The following TMEM144 variants were observed in gnomAD, a reference collection of about 807,000 sequenced individuals.
The protein encoded by TMEM144 is transmembrane protein 144.
Under a neutral mutation model 43.6 loss-of-function variants are expected in TMEM144, and 39 were observed. That is an observed-to-expected ratio of 0.90 (90% CI 0.69 to 1.17). The LOEUF (loss-of-function observed/expected upper bound fraction) is 1.17. Among genes scored for constraint, TMEM144 ranks in the 50% most tolerant of loss-of-function variants. The pLI, the probability that TMEM144 is intolerant of heterozygous loss-of-function variation, is 0.00. For synonymous variants in TMEM144, 154 were observed against 133.6 expected (o/e 1.15, Z -1.06); for missense variants, 417 against 411.9 (o/e 1.01, Z -0.11).
intron 12 of TMEM144, among the ~76,000 whole-genome samples, chr4:158,244,836 A>T (rs563054696): frequency 1.3e-5 from 2 of 152,298 alleles, no homozygotes; most frequent in Admixed American, 6.5e-5. Flanking sequence ...AGGAAAGAAA[A>T]TACTAGAGCT....
At chr4:158,227,528 T>TTA (rs759725286) in intron 6 of TMEM144, among the ~76,000 whole-genome samples, 14 of 152,106 alleles carry the variant, frequency 9.2e-5, no homozygotes, top group African/African-American at 1.4e-4. Context: ...TCTTAACTAC[T>TTA]TATATATATA....
chr4:158,244,818 A>G (rs1226562103), intron 12 of TMEM144, among the ~76,000 whole-genome samples: 1 of 152,158 alleles, frequency 6.6e-6, no homozygotes, highest in Non-Finnish European at 1.5e-5. Context: ...ATGTGATAAT[A>G]CCTAATTAGG....
intron 11 of TMEM144, among the ~76,000 whole-genome samples, chr4:158,242,477 C>T (rs1161536325): frequency 1.3e-5 from 2 of 152,112 alleles, no homozygotes; most frequent in African/African-American, 4.8e-5. Flanking sequence ...TCAAACGAAC[C>T]TATCACCTAG....
chr4:158,227,695 C>T (rs2111120566), intron 6 of TMEM144, among the ~76,000 whole-genome samples: 1 of 152,236 alleles, frequency 6.6e-6, no homozygotes, highest in African/African-American at 2.4e-5. Flanking sequence ...ATGTATAGAA[C>T]CAGTAACCAA....
intron 6 of TMEM144, among the ~76,000 whole-genome samples, chr4:158,228,705 T>A (rs1271825685): frequency 6.6e-6 from 1 of 152,106 alleles, no homozygotes; most frequent in Non-Finnish European, 1.5e-5. Flanking sequence ...AGGAGCTGCA[T>A]CGACCATCTG....
At chr4:158,221,822 G>T (rs1734523197) in intron 6 of TMEM144, among the ~76,000 whole-genome samples, 1 of 152,064 alleles carries the variant, frequency 6.6e-6, no homozygotes, top group African/African-American at 2.4e-5. Flanking sequence ...TACTCCACAG[G>T]TACCTCCTTT....
intron 4 of TMEM144, among the ~76,000 whole-genome samples, chr4:158,216,801 T>C (rs943603227): frequency 6.6e-6 from 1 of 152,098 alleles, no homozygotes; most frequent in Admixed American, 6.6e-5. Flanking sequence ...AGAGGTAACC[T>C]TTTAAGAAGA....
intron 12 of TMEM144, among the ~76,000 whole-genome samples, chr4:158,249,885 C>T (rs950047005): frequency 5.3e-5 from 5 of 95,184 alleles, no homozygotes; most frequent in African/African-American, 1.8e-4. Flanking sequence ...AGCCTACTGC[C>T]AGGTGTGTGT....
chr4:158,221,471 G>T (rs1734507060), intron 6 of TMEM144, among the ~76,000 whole-genome samples: 1 of 152,222 alleles, frequency 6.6e-6, no homozygotes, highest in Non-Finnish European at 1.5e-5. Context: ...GTTCAGGAGA[G>T]AGTATGTAAG....
intron 6 of TMEM144, among the ~76,000 whole-genome samples, chr4:158,221,512 T>C (rs1037056065): frequency 6.6e-6 from 1 of 152,174 alleles, no homozygotes; most frequent in Non-Finnish European, 1.5e-5. Context: ...CAAGAAACAA[T>C]ATTCAGAACA....
rs561351228 is a variant in TMEM144, at chr4:158,226,464, A to G, written c.414-6437A>G. On this transcript the variant is annotated intron_variant, in intron 6 of 12. Coordinates refer to ENST00000296529, the MANE Select transcript of TMEM144 (RefSeq NM_018342.5). ...ACTTTAGCCAATGTTTACACATGGAATTTTCTTTCTAATTAACATTTTAAA... is the reference window on the plus strand; with the variant it reads ...ACTTTAGCCAATGTTTACACATGGAGTTTTCTTTCTAATTAACATTTTAAA... Among the ~76,000 whole-genome samples the G allele has an allele frequency of 2.6e-5, 4 of 152,292 alleles. No homozygotes were observed. In the East Asian group the frequency reaches 7.7e-4, roughly 29 times the overall value.
chr4:158,253,087 A>G (rs1038119060), intron 12 of TMEM144, among the ~76,000 whole-genome samples: 9 of 152,196 alleles, frequency 5.9e-5, no homozygotes, highest in African/African-American at 2.2e-4. Flanking sequence ...CCAAACCAGC[A>G]TCATTAAGAT....
At chr4:158,230,138 C>T (rs1735002087) in intron 6 of TMEM144, among the ~76,000 whole-genome samples, 1 of 152,234 alleles carries the variant, frequency 6.6e-6, no homozygotes, top group African/African-American at 2.4e-5. Context: ...GTGGGATCTT[C>T]CAATCTGTAG....
chr4:158,235,727 A>C, intron 8 of TMEM144: 1 of 414,832 alleles, frequency 2.4e-6, no homozygotes, highest in Non-Finnish European at 4.3e-6. Flanking sequence ...CATTGCATTT[A>C]TCTCCAAATG....
intron 8 of TMEM144, among the ~76,000 whole-genome samples, chr4:158,236,757 G>C (rs1421683049): frequency 2.0e-5 from 3 of 151,790 alleles, no homozygotes; most frequent in Non-Finnish European, 4.4e-5. Context: ...AAAGTGCTGG[G>C]ATTATAGGCG....
intron 6 of TMEM144, among the ~76,000 whole-genome samples, chr4:158,226,995 T>C (rs1734805379): frequency 6.6e-6 from 1 of 152,190 alleles, no homozygotes; most frequent in Non-Finnish European, 1.5e-5. Context: ...GTTAGTATAA[T>C]ACATGTTACA....
Position 158,223,777 on chromosome 4 carries a change from G to A in TMEM144, c.413+4387G>A, listed in dbSNP as rs186978605. Among the ~76,000 whole-genome samples the A allele has an allele frequency of 9.1e-3, 1,393 of 152,322 alleles. 9 individuals carry two copies. The highest frequency in any genetic ancestry group is 0.015 in the Non-Finnish European group (996 of 68,034). On this transcript the variant is annotated intron_variant, in intron 6 of 12. Transcript: ENST00000296529. The stretch of plus-strand genomic sequence containing the variant: ...TTATGGCTGCAAAGTATTCCATGGT[G>A]TATATGTACCACACTTTCTTTATCC...
intron 11 of TMEM144, among the ~76,000 whole-genome samples, chr4:158,242,951 A>G (rs564032698): frequency 2.6e-4 from 39 of 152,190 alleles, no homozygotes; most frequent in Non-Finnish European, 5.1e-4. Context: ...CTATGCTTGC[A>G]TTACTTTTAC....
intron 6 of TMEM144, among the ~76,000 whole-genome samples, chr4:158,231,850 AT>A (rs1735096506): frequency 6.6e-6 from 1 of 152,200 alleles, no homozygotes; most frequent in African/African-American, 2.4e-5. Context: ...TAAATCTCAT[AT>A]GGAAAGGAAT....
Sources: gnomAD v4.1 joint callset for allele counts (sites outside exome capture counted in the v4.1 genomes callset) on GRCh38, gnomAD v4.1.1 for gene constraint, MANE v1.5 for transcripts, NCBI Gene and HGNC (gene_info 2026-07-23, HGNC 2026-07-21) for gene names.